Variants in CHTF18 observed in about 807,000 individuals in gnomAD.
The protein encoded by CHTF18 is chromosome transmission fidelity factor 18, also known as chromosome transmission fidelity protein 18 homolog.
In CHTF18, 151 loss-of-function variants were observed where a neutral mutation model predicts 113.4. The ratio of observed to expected loss-of-function variants is 1.33; its 90% confidence interval spans 1.17 to 1.52. CHTF18 has a LOEUF of 1.52. Ranked by LOEUF, CHTF18 falls within the 40% of genes most tolerant of loss-of-function variation. The pLI, the probability that CHTF18 is intolerant of heterozygous loss-of-function variation, is 0.00. For synonymous variants in CHTF18, 916 were observed against 598.8 expected, an observed-to-expected ratio of 1.53 and a Z score of -7.74; for missense variants, 1,982 against 1,381.6, an observed-to-expected ratio of 1.43 and a Z score of -6.89.
chr16:790,099 C>T (rs978116722), intron 4 of CHTF18, 78 bp from the exon 5 acceptor site: 4 of 1,540,608 alleles, frequency 2.6e-6, no homozygotes, highest in African/African-American at 1.4e-5. Flanking sequence ...CACCCGGGTC[C>T]CTGAGCACTG....
At chr16:795,896 C>T (rs2042330630) in intron 17 of CHTF18, 51 bp from the exon 18 acceptor site, 4 of 1,602,178 alleles carry the variant, frequency 2.5e-6, no homozygotes, top group Non-Finnish European at 3.4e-6. Context: ...TAGGTGAGCA[C>T]ACATTTGTAC....
In CHTF18 at chr16:792,501, G is replaced by A. The variant is rs779906566; in HGVS notation, c.1389G>A (p.Gln463=). The change falls in exon 11 of 22, where the codon CAG becomes CAA. Residue 463 remains glutamine, a synonymous_variant. Coordinates refer to ENST00000262315, the MANE Select transcript of CHTF18 (RefSeq NM_022092.3). ...AGGGGCCACAGGAGGTGGGGCCACA[G>A]GGCCCGGCTGTGCCTTCGGGAGGCG... ...NRKGPQEVGP[Q]GPAVPSGGGR... 1 of 1,592,578 alleles carries A rather than the reference G, an allele frequency of 6.3e-7. No homozygotes were observed. The highest frequency in any genetic ancestry group is 1.3e-5 in the African/African-American group (1 of 74,368).
chr16:788,692 A>C lies in CHTF18; in HGVS notation c.8A>C (p.Asp3Ala), dbSNP rs753139031. 3.4e-5 allele frequency: 54 copies of C among 1,593,110 alleles called. No individual in the cohort carries two copies. The highest frequency in any genetic ancestry group is 5.2e-5 in the Admixed American group (3 of 57,800). Residue 3 changes from aspartate (D) to alanine (A), a missense_variant, in exon 1 of 22, where the codon GAC becomes GCC. By Grantham distance (126) the Asp-to-Ala change is moderately radical. Coordinates refer to ENST00000262315, the MANE Select transcript of CHTF18 (RefSeq NM_022092.3). ME[D>A]YEQELCGVED... is the part of the protein sequence containing the mutation. ...CTCGGGCTCGCGGACGGTATGGAGG[A>C]CTACGAGCAGGAGCTGTGCGGCGTC...
chr16:797,140 G>T, intron 20 of CHTF18, 48 bp downstream of exon 20: 1 of 1,471,340 alleles, frequency 6.8e-7, no homozygotes, highest in Non-Finnish European at 8.9e-7. Flanking sequence ...CATACCTTTG[G>T]GGGTGTGGCT....
At chr16:790,145 G>T in intron 4 of CHTF18, 32 bp from the exon 5 acceptor site, 2 of 1,563,052 alleles carry the variant, frequency 1.3e-6, no homozygotes, top group South Asian at 1.2e-5. Flanking sequence ...CCTAGGAGGG[G>T]CCCAGAGGCA....
chr16:789,447 G>T (rs1032636748), intron 3 of CHTF18, 87 bp downstream of exon 3: 2 of 1,535,356 alleles, frequency 1.3e-6, no homozygotes, highest in Middle Eastern at 1.8e-4. Context: ...GAGGCCTGGG[G>T]GGTGGGGAGG....
At chr16:792,016 C>G (rs1448258867) in intron 9 of CHTF18, 68 bp downstream of exon 9, 1 of 1,554,870 alleles carries the variant, frequency 6.4e-7, no homozygotes, top group Non-Finnish European at 8.7e-7. Flanking sequence ...GGTGGCGGAC[C>G]TGAAACCGGG....
rs148832957 is a variant in CHTF18 at position 794,206 on chromosome 16, C to T, written c.1950+5C>T. 2,676 of 1,609,100 alleles carry T rather than the reference C, an allele frequency of 1.7e-3. 5 individuals are homozygous for T. The highest frequency in any genetic ancestry group is 1.8e-3 in the Non-Finnish European group (2,083 of 1,177,122). On this transcript the variant is annotated splice_donor_5th_base_variant and intron_variant, in intron 15 of 21. Coordinates refer to ENST00000262315, the MANE Select transcript of CHTF18 (RefSeq NM_022092.3). ...GAGCACGAGAAGGTGGTCCAGGTAC[C>T]TGTCTTCCACCAAAATGCCTGCCTG...
chr16:792,149 G>T, intron 9 of CHTF18, 75 bp from the exon 10 acceptor site: 1 of 1,525,828 alleles, frequency 6.6e-7, no homozygotes. Context: ...ACGCAAATGC[G>T]GCAGCCCCGG....
chr16:789,617 C>T lies in CHTF18; in HGVS notation c.508C>T (p.Arg170Trp), dbSNP rs369772999. ...SPAARNPVLR[R>W]PPILEDYVHV... ...AGCTGCCCGCAATCCCGTCCTGAGG[C>T]GGCCCCCCATCTTGGAGGACTACGT... Residue 170 changes from arginine (R) to tryptophan (W), a missense_variant, in exon 4 of 22, where the codon CGG (arginine) becomes TGG (tryptophan). By Grantham distance (101) the Arg-to-Trp change is moderately radical (BLOSUM62 -3). Transcript: ENST00000262315. The T allele has an allele frequency of 1.8e-4, 292 of 1,608,810 alleles. No homozygotes were observed. The highest frequency in any genetic ancestry group is 2.3e-4 in the Non-Finnish European group (272 of 1,179,754).
Position 788,963 on chromosome 16 carries a change from C to G in CHTF18, c.124C>G (p.Leu42Val). The G allele has an allele frequency of 2.5e-6, 4 of 1,570,730 alleles. No individual in the cohort carries two copies. Among genetic ancestry groups the G allele is most frequent in the South Asian group, 1.1e-5 (1 of 87,946 alleles). Residue 42 changes from leucine (L) to valine (V), a missense_variant, in exon 2 of 22, where the codon CTG becomes GTG. Coordinates refer to ENST00000262315, the MANE Select transcript of CHTF18 (RefSeq NM_022092.3). ...ASTPSPSGVP[L>V]FTAGRPPRTF... Reference sequence around the variant, plus strand: ...GACTCCGTCGCCCTCCGGGGTCCCCCTGTTCACCGCGGGCCGACCCCCGCG... The same window carrying G: ...GACTCCGTCGCCCTCCGGGGTCCCCGTGTTCACCGCGGGCCGACCCCCGCG...
chr16:794,657 C>T (rs764219213), intron 15 of CHTF18: 104 of 229,340 alleles, frequency 4.5e-4, no homozygotes, highest in Non-Finnish European at 7.0e-4. Context: ...GCTGGGGATC[C>T]ACAACCAATC....
chr16:796,935 G>A (rs1475382664), intron 19 of CHTF18, 26 bp from the exon 20 acceptor site: 5 of 1,530,556 alleles, frequency 3.3e-6, no homozygotes, highest in African/African-American at 1.4e-5. Context: ...TGTGTGGCCA[G>A]ATCTCACAAT....
rs764413212 is a variant in CHTF18 at position 795,259 on chromosome 16, A to G, written c.2078A>G (p.Gln693Arg). ...GCTGCTCATCACAGCCAGAGCTTCC[A>G]GCTGCTGCGCTACCCACCCTTCCTG... The part of the protein sequence containing the change: ...AGAAHHSQSF[Q>R]LLRYPPFLPV... Residue 693 changes from glutamine to arginine, a missense_variant, in exon 16 of 22, where the codon CAG becomes CGG. Transcript: ENST00000262315. 23 of 1,549,132 alleles carry G rather than the reference A, an allele frequency of 1.5e-5. No individual in the cohort carries two copies. Among genetic ancestry groups the G allele is most frequent in the South Asian group, 5.9e-5 (5 of 84,060 alleles).
At chr16:794,436 C>G (rs572408641) in intron 15 of CHTF18, among the ~76,000 whole-genome samples, 1 of 152,070 alleles carries the variant, frequency 6.6e-6, no homozygotes, top group Non-Finnish European at 1.5e-5. Context: ...GGCCGTCTGA[C>G]GGGGGAGGTC....
chr16:792,947 A>G lies in CHTF18; in HGVS notation c.1573-19A>G, dbSNP rs779904206. 8.4e-6 allele frequency: 13 copies of G among 1,549,786 alleles called. 1 individual carries two copies. In the South Asian group the frequency reaches 1.4e-4, roughly 17 times the overall value. ...GATGGGGCATACCATCGGGCCCTCC[A>G]GCAGCCCTTCTCCACCAGGTCTCCC... On this transcript the variant is annotated intron_variant, in intron 12 of 21. Transcript: ENST00000262315.
chr16:797,707 T>C lies in CHTF18; in HGVS notation c.2747T>C (p.Phe916Ser). Residue 916 changes from phenylalanine (F) to serine (S), a missense_variant, in exon 21 of 22, where the codon TTC becomes TCC. By Grantham distance (155) the Phe-to-Ser change is radical (BLOSUM62 -2). Coordinates refer to ENST00000262315, the MANE Select transcript of CHTF18 (RefSeq NM_022092.3). ...AAREEQPEKD[F>S]FGRVVVRSTA... The stretch of plus-strand genomic sequence containing the variant: ...TCCTCCCATCAGCCTGAGAAGGACT[T>C]CTTTGGACGTGTGGTCGTCAGGAGC... 1 of 1,611,210 alleles carries C rather than the reference T, an allele frequency of 6.2e-7. No individual in the cohort carries two copies. The highest frequency in any genetic ancestry group is 8.5e-7 in the Non-Finnish European group (1 of 1,179,444).
chr16:793,092 G>T, intron 13 of CHTF18, 28 bp downstream of exon 13: 2 of 1,566,946 alleles, frequency 1.3e-6, no homozygotes, highest in Non-Finnish European at 1.7e-6. Flanking sequence ...ACCGGGTGGG[G>T]TGGGGTGGGG....
At chr16:793,376 G>C in intron 14 of CHTF18, 102 bp downstream of exon 14, 4 of 1,444,368 alleles carry the variant, frequency 2.8e-6, no homozygotes, top group Non-Finnish European at 2.8e-6. Context: ...CGGGGACTCA[G>C]TGTCCTGAGC....
Sources: allele counts gnomAD v4.1 joint callset (sites outside exome capture counted in the v4.1 genomes callset), GRCh38; gene constraint gnomAD v4.1.1; transcripts MANE v1.5; gene names NCBI Gene and HGNC (gene_info 2026-07-23, HGNC 2026-07-21).